The following SIAE variants were observed in gnomAD, a reference collection of about 807,000 sequenced individuals.
SIAE encodes sialate O-acetylesterase.
Under a neutral mutation model 52.6 loss-of-function variants are expected in SIAE, and 39 were observed. The ratio of observed to expected loss-of-function variants is 0.74; its 90% CI spans 0.57 to 0.97. The LOEUF is 0.97. Among genes scored for constraint, SIAE ranks in the 50% least tolerant of loss-of-function variants. The pLI, the probability that SIAE is intolerant of heterozygous loss-of-function variation, is 0.00. For synonymous variants in SIAE, 233 were observed against 241.4 expected (o/e 0.97, Z 0.32); for missense variants, 592 against 662.1 (o/e 0.89, Z 1.16).
upstream of SIAE, chr11:124,675,063 T>C (rs1943442443): frequency 1.8e-6 from 1 of 558,754 alleles, no homozygotes; most frequent in Non-Finnish European, 3.0e-6. Flanking sequence ...ATTATACTAA[T>C]TCACAATGGA....
intron 4 of SIAE, among the ~76,000 whole-genome samples, chr11:124,650,604 C>G (rs1387982713): frequency 1.3e-5 from 2 of 152,094 alleles, no homozygotes; most frequent in African/African-American, 4.8e-5. Context: ...GAAACCCCGT[C>G]TCTACCCAAA....
At chr11:124,646,555 G>A (rs1942938676) in intron 7 of SIAE, among the ~76,000 whole-genome samples, 1 of 151,720 alleles carries the variant, frequency 6.6e-6, no homozygotes, top group Non-Finnish European at 1.5e-5. Flanking sequence ...ATTCCAGGGA[G>A]TGGAAGGGAT....
intron 4 of SIAE, among the ~76,000 whole-genome samples, chr11:124,653,828 G>A (rs138537741): frequency 0.012 from 1,820 of 152,316 alleles, 21 homozygotes; most frequent in Non-Finnish European, 0.019. Flanking sequence ...CTGTGTGTCC[G>A]TTTGGTCACT....
At chr11:124,669,924 C>G (rs937897877) in intron 1 of SIAE, among the ~76,000 whole-genome samples, 2 of 152,158 alleles carry the variant, frequency 1.3e-5, no homozygotes, top group Non-Finnish European at 1.5e-5. Context: ...CACTTCCTTT[C>G]CCTACTTTCC....
At position 124,670,414 on chromosome 11, in the gene SIAE, A is replaced by G. The variant is rs1373928954; in HGVS notation, c.68-893T>C. ...ATAAAAGTATTTTATTAATACAAAC[A>G]TCCATCCAAATTATCTCAGCGTGTT... On this transcript the variant is annotated intron_variant, in intron 1 of 9. Transcript: ENST00000263593. The surrounding 1 kb of genome is among the most constrained non-coding windows in gnomAD (Gnocchi z 4.5). Among the ~76,000 whole-genome samples, 2 of 152,194 alleles carry G rather than the reference A, an allele frequency of 1.3e-5. No individual in the cohort carries two copies. Among genetic ancestry groups the G allele is most frequent in the Admixed American group, 6.5e-5 (1 of 15,288 alleles).
At chr11:124,673,814 G>C (rs1036142782), upstream of SIAE, 2 of 1,329,378 alleles carry the variant, frequency 1.5e-6, no homozygotes, top group African/African-American at 2.9e-5. Context: ...AGTCCTCGCA[G>C]CCTCCCGCGA....
chr11:124,654,029 T>G (rs1943057267), intron 4 of SIAE: 1 of 163,430 alleles, frequency 6.1e-6, no homozygotes, highest in South Asian at 2.0e-4. Flanking sequence ...ATACAAAAAT[T>G]AGCTGAGCGT....
At chr11:124,648,473 G>A (rs919103616) in intron 5 of SIAE, among the ~76,000 whole-genome samples, 2 of 151,936 alleles carry the variant, frequency 1.3e-5, no homozygotes, top group Non-Finnish European at 2.9e-5. Flanking sequence ...CACATTGTGG[G>A]GGGGGGCCAA....
In SIAE at chr11:124,654,755, T is replaced by G. The variant is rs151283835; in HGVS notation, c.444A>C (p.Ala148=). 3.1e-6 allele frequency: 5 copies of G among 1,614,062 alleles called. No individual in the cohort carries two copies. The highest frequency in any genetic ancestry group is 3.4e-6 in the Non-Finnish European group (4 of 1,180,018). The stretch of plus-strand genomic sequence containing the variant: ...CAGAGAGGATGCGGACAGACTGATA[T>G]GCCGCAGTGTTAGACAACTCCCTTG... The part of the protein sequence containing the change: ...NATRELSNTA[A]YQSVRILSVS... The change falls in exon 4 of 10, where the codon GCA becomes GCC. Residue 148 remains alanine, a synonymous_variant. Transcript: ENST00000263593.
At chr11:124,640,187 GC>G (rs1175503562) in intron 7 of SIAE, among the ~76,000 whole-genome samples, 1 of 151,812 alleles carries the variant, frequency 6.6e-6, no homozygotes, top group Non-Finnish European at 1.5e-5. Context: ...CTGAGTCTTG[GC>G]CTTATGAGGC....
In SIAE at chr11:124,636,891, C is replaced by G. The variant is rs1384449986; in HGVS notation, c.*60G>C. 6.2e-7 allele frequency: 1 copy of G among 1,611,248 alleles called. No individual in the cohort carries two copies. Among genetic ancestry groups the G allele is most frequent in the African/African-American group, 1.3e-5 (1 of 74,842 alleles). On this transcript the variant is annotated 3_prime_UTR_variant, in exon 10 of 10. Transcript: ENST00000263593. ...AAAGCAATGGTTATTATTGAAACTC[C>G]TAAATGCTAAAATCTGAAGGACCCA...
At chr11:124,648,833 A>G (rs993827757) in intron 5 of SIAE, among the ~76,000 whole-genome samples, 3 of 152,122 alleles carry the variant, frequency 2.0e-5, no homozygotes, top group Admixed American at 6.5e-5. Context: ...ACTGCAGGCC[A>G]TTCTTCCTGT....
chr11:124,646,489 A>G (rs1035017348), intron 7 of SIAE, among the ~76,000 whole-genome samples: 4 of 152,078 alleles, frequency 2.6e-5, no homozygotes, highest in Admixed American at 2.6e-4. Context: ...GTTAACTAGG[A>G]AAGTATGGAA....
chr11:124,675,941 C>A (rs1182764064), upstream of SIAE: 1 of 152,556 alleles, frequency 6.6e-6, no homozygotes, highest in Middle Eastern at 3.4e-3. Context: ...ACGGCACAGA[C>A]AAACTGATTT....
chr11:124,671,635 G>C (rs1391879092), intron 1 of SIAE, among the ~76,000 whole-genome samples: 1 of 152,128 alleles, frequency 6.6e-6, no homozygotes, highest in Non-Finnish European at 1.5e-5. Flanking sequence ...AAGTTCATTA[G>C]AGTAGACAGT....
intron 9 of SIAE, 109 bp downstream of exon 9, chr11:124,638,433 C>A (rs1451697803): frequency 2.8e-5 from 35 of 1,253,622 alleles, no homozygotes; most frequent in Middle Eastern, 1.9e-4. Context: ...CAGCCCCCAA[C>A]CAACCAAGAC....
chr11:124,668,583 T>G (rs76438486), intron 2 of SIAE, among the ~76,000 whole-genome samples: 4,012 of 152,318 alleles, frequency 0.026, 160 homozygotes, highest in African/African-American at 0.09. Flanking sequence ...TACAAGTCTT[T>G]ACCAGTGTTA....
At position 124,635,557 on chromosome 11, in the gene SIAE, T is replaced by G. The variant is rs1262827952; in HGVS notation, c.*1394A>C. 6.6e-6 allele frequency: 1 copy of G among 152,178 alleles called. No homozygotes were observed. Among genetic ancestry groups the G allele is most frequent in the Admixed American group, 6.5e-5 (1 of 15,280 alleles). 9.4% of individuals were successfully genotyped at this position (152,178 alleles called of 1,614,324 possible). On this transcript the variant is annotated 3_prime_UTR_variant, in exon 10 of 10. Transcript: ENST00000263593. ...GAAACATAGTGAATTCCACATAATG[T>G]TTTAAATTATTCAGCCACTAAAAAT...
In SIAE at chr11:124,639,788, T is replaced by C. The variant is rs749579541; in HGVS notation, c.1046A>G (p.Tyr349Cys). 126 of 1,614,130 alleles carry C rather than the reference T, an allele frequency of 7.8e-5. No individual in the cohort carries two copies. The highest frequency in any genetic ancestry group is 1.6e-4 in the Middle Eastern group (1 of 6,084). The change falls in exon 8 of 10, where the codon TAT (tyrosine) becomes TGT (cysteine). Residue 349 changes from tyrosine (Y) to cysteine (C), a missense_variant. By Grantham distance (194) the Tyr-to-Cys change is radical. Transcript: ENST00000263593. ...ATTGGGCATCTTTGGGTTGGGGACA[T>C]AGCCGAAGTCTGCTGTTTGATGCCA... ...IRWHQTADFG[Y>C]VPNPKMPNTF...
Sources: allele counts gnomAD v4.1 joint callset (sites outside exome capture counted in the v4.1 genomes callset), GRCh38; gene constraint gnomAD v4.1.1; non-coding constraint Gnocchi (gnomAD v3.1); transcripts MANE v1.5; gene names NCBI Gene and HGNC (gene_info 2026-07-23, HGNC 2026-07-21).